Variants in CSAG1 observed in about 807,000 individuals in gnomAD.
The protein encoded by CSAG1 is chondrosarcoma associated gene 1, also known as chondrosarcoma-associated gene 1 protein.
A neutral mutation model predicts 4.8 loss-of-function variants in CSAG1; 4 were observed. The observed-to-expected ratio is 0.83, with a 90% CI of 0.41 to 1.90. The LOEUF is 1.90. Among genes scored for constraint, CSAG1 ranks in the 40% most tolerant of loss-of-function variants. The probability of loss-of-function intolerance (pLI) is 0.03; values close to 1 mark genes in which losing one functional copy is unlikely to be tolerated. For missense variants in CSAG1, 69 were observed against 59.5 expected, an observed-to-expected ratio of 1.16 and a Z score of -0.53; for synonymous variants, 21 against 23.1, an observed-to-expected ratio of 0.91 and a Z score of 0.26.
chrX:152,730,480 T>C (rs1273089047), intron 2 of CSAG1, among the ~76,000 whole-genome samples: 1 of 111,618 alleles, frequency 9.0e-6, no homozygotes, highest in Non-Finnish European at 1.9e-5. Context: ...AGTGTTTTTA[T>C]AAAATAGTCC....
chrX:152,729,107 G>A (rs1556831295), intron 2 of CSAG1, among the ~76,000 whole-genome samples: 7 of 110,383 alleles, frequency 6.3e-5, no homozygotes, highest in African/African-American at 2.3e-4. Context: ...TCACAACAAA[G>A]GCAATAATGG....
Sources: gnomAD v4.1 joint callset for allele counts (sites outside exome capture counted in the v4.1 genomes callset) on GRCh38, gnomAD v4.1.1 for gene constraint, MANE v1.5 for transcripts, NCBI Gene and HGNC (gene_info 2026-07-23, HGNC 2026-07-21) for gene names.